The following KCTD16 variants were observed in gnomAD, a reference collection of about 807,000 sequenced individuals.
KCTD16 encodes the protein potassium channel tetramerization domain containing 16.
Under a neutral mutation model 33.2 loss-of-function variants are expected in KCTD16, and 13 were observed. That is an observed-to-expected ratio of 0.39 (90% CI 0.25 to 0.62). The LOEUF (loss-of-function observed/expected upper bound fraction) is 0.62. Ranked by LOEUF, KCTD16 falls within the 20% of genes least tolerant of loss-of-function variation. The probability of loss-of-function intolerance (pLI) is 0.50; values close to 1 mark genes in which losing one functional copy is unlikely to be tolerated. For synonymous variants in KCTD16, 197 were observed against 195.3 expected (o/e 1.01, Z -0.07); for missense variants, 441 against 525.1 (o/e 0.84, Z 1.57).
intron 2 of KCTD16, among the ~76,000 whole-genome samples, chr5:144,189,311 T>G (rs1354920621): frequency 1.3e-5 from 2 of 151,776 alleles, no homozygotes; most frequent in African/African-American, 4.8e-5. Context: ...GCTAACATGG[T>G]GAAACCCCGA....
chr5:144,259,555 T>G (rs147762013), intron 3 of KCTD16, among the ~76,000 whole-genome samples: 1 of 152,298 alleles, frequency 6.6e-6, no homozygotes, highest in African/African-American at 2.4e-5. Flanking sequence ...TCTTCTTTTA[T>G]TGTACTCAGA....
At chr5:144,399,602 A>G (rs551375802) in intron 3 of KCTD16, among the ~76,000 whole-genome samples, 25 of 152,306 alleles carry the variant, frequency 1.6e-4, no homozygotes, top group Non-Finnish European at 3.2e-4. Flanking sequence ...GTTAAAATAT[A>G]TTTCATTGAT....
rs1754604940 is a variant in KCTD16 at position 144,476,819 on chromosome 5, C to G, written c.*2705C>G. 6.6e-6 allele frequency: 1 copy of G among 152,124 alleles called. No homozygotes were observed. Among genetic ancestry groups the G allele is most frequent in the Admixed American group, 6.6e-5 (1 of 15,266 alleles). 9.4% of individuals were successfully genotyped at this position (152,124 alleles called of 1,614,324 possible). A position where few individuals can be genotyped will look rare whatever the true frequency, so the allele number is the denominator to read the frequency against. On this transcript the variant is annotated 3_prime_UTR_variant, in exon 4 of 4. Transcript: ENST00000512467. Reference sequence around the variant, plus strand: ...CATGCTCTAGTAACTCTGGTAGTCACTGTGACTCGGGCATGTTTCCCTGAA... The same window carrying G: ...CATGCTCTAGTAACTCTGGTAGTCAGTGTGACTCGGGCATGTTTCCCTGAA...
chr5:144,216,057 C>T (rs544379394), intron 3 of KCTD16, among the ~76,000 whole-genome samples: 130 of 152,236 alleles, frequency 8.5e-4, no homozygotes, highest in African/African-American at 2.9e-3. Context: ...TGTGGCTTTT[C>T]GGAACCTAGA....
intron 3 of KCTD16, among the ~76,000 whole-genome samples, chr5:144,388,210 G>A (rs1265179669): frequency 6.6e-6 from 1 of 150,832 alleles, no homozygotes; most frequent in East Asian, 2.0e-4. Context: ...CTCCCGAGTA[G>A]CTGGGACTAC....
chr5:144,177,048 A>AT lies in KCTD16; in HGVS notation c.-327+2582dup, dbSNP rs1373378325. 4.6e-5 allele frequency among the ~76,000 whole-genome samples: 7 copies of AT among 152,088 alleles called. No homozygotes were observed. In the South Asian group the frequency reaches 1.2e-3, roughly 27 times the overall value. On this transcript the variant is annotated intron_variant, in intron 2 of 3. Coordinates refer to ENST00000512467, the MANE Select transcript of KCTD16 (RefSeq NM_020768.4). ...TAGTTTAATTAGGTCCCACTTGTCAATTTTTTGTTGTTGTTGTTGCAATTG... is the reference window on the plus strand; with the variant it reads ...TAGTTTAATTAGGTCCCACTTGTCAATTTTTTTGTTGTTGTTGTTGCAATTG...
intron 3 of KCTD16, among the ~76,000 whole-genome samples, chr5:144,281,157 A>G (rs922856489): frequency 2.0e-5 from 3 of 152,234 alleles, no homozygotes; most frequent in African/African-American, 2.4e-5. Flanking sequence ...ACTCCAGCCT[A>G]GGCGACAGAC....
chr5:144,278,264 G>A (rs1007160585), intron 3 of KCTD16, among the ~76,000 whole-genome samples: 1 of 151,844 alleles, frequency 6.6e-6, no homozygotes. Flanking sequence ...TTGTTGAAAA[G>A]GCTATTTCTT....
At chr5:144,251,335 G>A (rs1754695104) in intron 3 of KCTD16, among the ~76,000 whole-genome samples, 1 of 152,044 alleles carries the variant, frequency 6.6e-6, no homozygotes, top group African/African-American at 2.4e-5. Flanking sequence ...CATAACCTTG[G>A]GCAAATTATG....
At chr5:144,223,078 G>A (rs1753812372) in intron 3 of KCTD16, among the ~76,000 whole-genome samples, 1 of 152,110 alleles carries the variant, frequency 6.6e-6, no homozygotes, top group African/African-American at 2.4e-5. Context: ...TCACTCATAG[G>A]TGGGAATTGA....
At chr5:144,381,447 A>G (rs1752212776) in intron 3 of KCTD16, among the ~76,000 whole-genome samples, 2 of 152,280 alleles carry the variant, frequency 1.3e-5, no homozygotes, top group South Asian at 2.1e-4. Flanking sequence ...TAAAGAAAAG[A>G]GGTTTTTGGC....
At chr5:144,252,897 T>G (rs1420408634) in intron 3 of KCTD16, among the ~76,000 whole-genome samples, 2 of 151,716 alleles carry the variant, frequency 1.3e-5, no homozygotes, top group Non-Finnish European at 2.9e-5. Context: ...TTGCCTTTTT[T>G]TTTTTTTCTC....
rs573789045 is a variant in KCTD16, at chr5:144,230,731, A to G, written c.832+23185A>G. On this transcript the variant is annotated intron_variant, in intron 3 of 3. Coordinates refer to ENST00000512467, the MANE Select transcript of KCTD16 (RefSeq NM_020768.4). The stretch of plus-strand genomic sequence containing the variant: ...TATGAATATATGGAACACTTTTATA[A>G]TATGGAAGTGATACAAGTATTAGGA... 2.0e-5 allele frequency among the ~76,000 whole-genome samples: 3 copies of G among 152,340 alleles called. No individual in the cohort carries two copies. The East Asian group carries it at 5.8e-4, about 29-fold the overall frequency.
At chr5:144,418,150 A>G (rs1005246486) in intron 3 of KCTD16, among the ~76,000 whole-genome samples, 5 of 152,144 alleles carry the variant, frequency 3.3e-5, no homozygotes, top group African/African-American at 1.2e-4. Flanking sequence ...TCAGGAGTGA[A>G]GCTGAAGACC....
chr5:144,173,588 T>C (rs1752439320), intron 1 of KCTD16, among the ~76,000 whole-genome samples: 1 of 152,224 alleles, frequency 6.6e-6, no homozygotes, highest in Admixed American at 6.5e-5. Flanking sequence ...TTTATCTATG[T>C]AACAAACCTG....
intron 3 of KCTD16, among the ~76,000 whole-genome samples, chr5:144,213,335 A>T (rs1221884633): frequency 6.6e-6 from 1 of 150,486 alleles, no homozygotes; most frequent in African/African-American, 2.4e-5. Flanking sequence ...CTCTTGCTCT[A>T]TTCCCTTTTC....
chr5:144,312,800 G>A (rs1359742207), intron 3 of KCTD16, among the ~76,000 whole-genome samples: 1 of 152,182 alleles, frequency 6.6e-6, no homozygotes, highest in Non-Finnish European at 1.5e-5. Context: ...ACTTCTCATG[G>A]TATTTGGAAT....
intron 3 of KCTD16, among the ~76,000 whole-genome samples, chr5:144,294,179 C>A (rs1174094047): frequency 1.3e-5 from 2 of 149,218 alleles, no homozygotes. Flanking sequence ...AAACAAAAAA[C>A]ACAGCAACAA....
chr5:144,277,236 G>A (rs992440925), intron 3 of KCTD16, among the ~76,000 whole-genome samples: 8 of 152,180 alleles, frequency 5.3e-5, no homozygotes, highest in Admixed American at 2.0e-4. Flanking sequence ...TAGTCTGGAA[G>A]TGTTGAATTG....
Sources: allele counts gnomAD v4.1 joint callset (sites outside exome capture counted in the v4.1 genomes callset), GRCh38; gene constraint gnomAD v4.1.1; transcripts MANE v1.5; gene names NCBI Gene and HGNC (gene_info 2026-07-23, HGNC 2026-07-21).